SLC10A7: variants seen among roughly 807,000 people sequenced by gnomAD.
SLC10A7 encodes the protein solute carrier family 10 member 7.
A neutral mutation model predicts 43.2 loss-of-function variants in SLC10A7; 29 were observed. The ratio of observed to expected loss-of-function variants is 0.67; its 90% CI spans 0.50 to 0.92. The LOEUF is 0.92. Ranked by LOEUF, SLC10A7 falls within the 40% of genes least tolerant of loss-of-function variation. SLC10A7 has a pLI of 0.00. For synonymous variants in SLC10A7, 152 were observed against 144.8 expected (o/e 1.05, Z -0.35); for missense variants, 295 against 403.2 (o/e 0.73, Z 2.30).
Position 146,279,309 on chromosome 4 carries a change from AC to A in SLC10A7, c.847+3882del, listed in dbSNP as rs1400317158. ...GAGAAAGTTTTCTGCATATATTGGAACCCTAGATAAGCAAAGTGATTTGAAT... is the reference window on the plus strand; with the variant it reads ...GAGAAAGTTTTCTGCATATATTGGAACCTAGATAAGCAAAGTGATTTGAAT... On this transcript the variant is annotated intron_variant, in intron 10 of 11. Coordinates refer to ENST00000335472, the MANE Select transcript of SLC10A7 (RefSeq NM_001029998.6). Among the ~76,000 whole-genome samples, 16 of 152,264 alleles carry A rather than the reference AC, an allele frequency of 1.1e-4. No individual in the cohort carries two copies. In the East Asian group the frequency reaches 2.9e-3, roughly 28 times the overall value.
intron 7 of SLC10A7, 63 bp downstream of exon 7, chr4:146,305,863 C>T (rs555430448): frequency 3.0e-5 from 42 of 1,403,282 alleles, no homozygotes; most frequent in East Asian, 9.6e-5. Flanking sequence ...ACTGCTCTGA[C>T]ATTATGTAAG....
intron 4 of SLC10A7, among the ~76,000 whole-genome samples, chr4:146,496,663 T>C (rs1366699200): frequency 2.6e-5 from 4 of 152,210 alleles, no homozygotes; most frequent in Admixed American, 6.5e-5. Context: ...CCAACCATTT[T>C]TCTCCACAAC....
intron 5 of SLC10A7, among the ~76,000 whole-genome samples, chr4:146,436,857 T>C (rs1560905894): frequency 2.0e-5 from 3 of 152,132 alleles, no homozygotes; most frequent in Admixed American, 2.0e-4. Context: ...TTCAGTTACC[T>C]TCTATTCACG....
intron 7 of SLC10A7, among the ~76,000 whole-genome samples, chr4:146,303,042 G>T (rs1731263743): frequency 6.6e-6 from 1 of 152,142 alleles, no homozygotes; most frequent in South Asian, 2.1e-4. Flanking sequence ...TAAGAGAGCA[G>T]ACTCACCCAA....
Position 146,363,918 on chromosome 4 carries a change from A to G in SLC10A7, c.436-37922T>C, listed in dbSNP as rs1307807332. On this transcript the variant is annotated intron_variant, in intron 5 of 11. Coordinates refer to ENST00000335472, the MANE Select transcript of SLC10A7 (RefSeq NM_001029998.6). ...AAACAAGGAGAAAAACTTCAAATAA[A>G]TAACCTAACAATGAATCGTAAAGAA... Among the ~76,000 whole-genome samples the G allele has an allele frequency of 3.3e-5, 5 of 152,190 alleles. No individual in the cohort carries two copies. In the East Asian group the frequency reaches 9.6e-4, roughly 29 times the overall value.
chr4:146,399,476 G>A (rs966590118), intron 5 of SLC10A7, among the ~76,000 whole-genome samples: 2 of 152,040 alleles, frequency 1.3e-5, no homozygotes, highest in East Asian at 1.9e-4. Flanking sequence ...CAAAATTTCA[G>A]GGGGATTAGA....
At chr4:146,479,862 C>G (rs548068596) in intron 4 of SLC10A7, among the ~76,000 whole-genome samples, 13 of 152,190 alleles carry the variant, frequency 8.5e-5, no homozygotes, top group African/African-American at 2.2e-4. Context: ...ACCAAAGATG[C>G]ACAAAGTTTA....
At chr4:146,514,597 T>A (rs1737783739) in intron 2 of SLC10A7, 1 of 152,314 alleles carries the variant, frequency 6.6e-6, no homozygotes, top group African/African-American at 2.4e-5. Flanking sequence ...GTATGAGTCA[T>A]ATAAGAAATG....
chr4:146,291,845 G>A (rs928168673), intron 9 of SLC10A7, among the ~76,000 whole-genome samples: 8 of 152,194 alleles, frequency 5.3e-5, no homozygotes, highest in African/African-American at 1.9e-4. Context: ...GTACCACCCA[G>A]AGGACACTTG....
chr4:146,269,838 C>T (rs557095631), intron 10 of SLC10A7, among the ~76,000 whole-genome samples: 1 of 152,296 alleles, frequency 6.6e-6, no homozygotes, highest in African/African-American at 2.4e-5. Flanking sequence ...CATCTTTAGA[C>T]ACTGGAACTT....
rs201330545 is a variant in SLC10A7 at position 146,330,252 on chromosome 4, CTG to C, written c.436-4258_436-4257del. On this transcript the variant is annotated intron_variant, in intron 5 of 11. Coordinates refer to ENST00000335472, the MANE Select transcript of SLC10A7 (RefSeq NM_001029998.6). ...CCCAAATAACAGCAAGACAACAAAA[CTG>C]TGAATGTGCTTCTCTCAGCAATAGG... 7.0e-3 allele frequency among the ~76,000 whole-genome samples: 1,058 copies of C among 152,206 alleles called. 4 individuals carry two copies. The highest frequency in any genetic ancestry group is 0.011 in the Non-Finnish European group (739 of 67,996).
chr4:146,403,299 G>A (rs750332943), intron 5 of SLC10A7, among the ~76,000 whole-genome samples: 23 of 152,030 alleles, frequency 1.5e-4, no homozygotes, highest in Non-Finnish European at 3.1e-4. Flanking sequence ...ATTAATTTCT[G>A]GACTTGAGTT....
At chr4:146,296,496 T>C (rs1245096199) in intron 7 of SLC10A7, among the ~76,000 whole-genome samples, 1 of 152,162 alleles carries the variant, frequency 6.6e-6, no homozygotes, top group African/African-American at 2.4e-5. Flanking sequence ...ACAATCCTTC[T>C]AGCCAAAATG....
intron 5 of SLC10A7, among the ~76,000 whole-genome samples, chr4:146,364,723 G>T (rs1736277335): frequency 6.6e-6 from 1 of 151,980 alleles, no homozygotes; most frequent in South Asian, 2.1e-4. Flanking sequence ...GCACAATAGG[G>T]CAACTATAGC....
chr4:146,521,587 G>A, intron 1 of SLC10A7, 31 bp downstream of exon 1: 1 of 1,573,566 alleles, frequency 6.4e-7, no homozygotes, highest in South Asian at 1.1e-5. Flanking sequence ...AGTGGGAGCC[G>A]CGGTGGAGCC....
intron 4 of SLC10A7, among the ~76,000 whole-genome samples, chr4:146,468,734 T>C (rs1459893254): frequency 2.0e-5 from 3 of 152,120 alleles, no homozygotes; most frequent in African/African-American, 7.2e-5. Context: ...AATGCAGGGA[T>C]TACAGGCGTG....
At chr4:146,355,865 A>C (rs1241075830) in intron 5 of SLC10A7, among the ~76,000 whole-genome samples, 14 of 114,814 alleles carry the variant, frequency 1.2e-4, no homozygotes, top group African/African-American at 4.9e-4. Context: ...CAGGAAGGGG[A>C]ATATCACACT....
At chr4:146,333,318 T>G (rs543549064) in intron 5 of SLC10A7, among the ~76,000 whole-genome samples, 1 of 152,170 alleles carries the variant, frequency 6.6e-6, no homozygotes, top group Non-Finnish European at 1.5e-5. Context: ...ACTTAGTGAC[T>G]ACCATGCCAG....
intron 5 of SLC10A7, among the ~76,000 whole-genome samples, chr4:146,356,081 C>A (rs1464468994): frequency 6.8e-6 from 1 of 146,986 alleles, no homozygotes; most frequent in East Asian, 2.0e-4. Context: ...TATATATAGT[C>A]TTTTAAAAAG....
Sources: allele counts gnomAD v4.1 joint callset (sites outside exome capture counted in the v4.1 genomes callset), GRCh38; gene constraint gnomAD v4.1.1; transcripts MANE v1.5; gene names NCBI Gene and HGNC (gene_info 2026-07-23, HGNC 2026-07-21).